Variants in ZFR observed in about 807,000 individuals in gnomAD.
ZFR encodes the protein zinc finger RNA binding protein.
Under a neutral mutation model 130.7 loss-of-function variants are expected in ZFR, and 19 were observed. That is an observed-to-expected ratio of 0.15 (90% CI 0.10 to 0.21). The LOEUF (loss-of-function observed/expected upper bound fraction) is 0.21. ZFR is among the 10% of genes least tolerant of loss of function. ZFR has a pLI of 1.00. For synonymous variants in ZFR, 466 were observed against 456.9 expected, an observed-to-expected ratio of 1.02 and a Z score of -0.25; for missense variants, 872 against 1,321.5, an observed-to-expected ratio of 0.66 and a Z score of 5.27.
chr5:32,407,453 T>C (rs1753601890), intron 5 of ZFR, among the ~76,000 whole-genome samples: 1 of 150,378 alleles, frequency 6.6e-6, no homozygotes, highest in Admixed American at 6.7e-5. Context: ...AAAGTAAGAT[T>C]TGACATGCTT....
Position 32,379,235 on chromosome 5 carries a change from T to G in ZFR, c.2740-25A>C, listed in dbSNP as rs1235985895. The stretch of plus-strand genomic sequence containing the variant: ...CCTTGAGAGCAACATAAAAACCAAT[T>G]GAATTAATCTTAGAAATACTGAATA... On this transcript the variant is annotated intron_variant, in intron 16 of 19. Transcript: ENST00000265069. 1.9e-6 allele frequency: 3 copies of G among 1,583,940 alleles called. No individual in the cohort carries two copies. In the South Asian group the frequency reaches 3.3e-5, roughly 18 times the overall value.
Position 32,403,180 on chromosome 5 carries a change from G to A in ZFR, c.1442C>T (p.Ser481Phe). 6.2e-7 allele frequency: 1 copy of A among 1,614,222 alleles called. No individual in the cohort carries two copies. Among genetic ancestry groups the A allele is most frequent in the Non-Finnish European group, 8.5e-7 (1 of 1,180,034 alleles). Reference protein sequence around the residue: ...TTGNSSLNSTSNTKVSAVPTN... With the variant: ...TTGNSSLNSTFNTKVSAVPTN... ...AGGCACTGCTGATACTTTAGTGTTA[G>A]ATGTGCTATTAAGAGACGAGTTTCC... Residue 481 changes from serine to phenylalanine, a missense_variant, in exon 8 of 20, where the codon TCT becomes TTT. By Grantham distance (155) the Ser-to-Phe change is radical (BLOSUM62 -2). This residue lies in a region of ZFR where 143 missense variants were observed against 137.9 expected (regional missense o/e 1.04). Coordinates refer to ENST00000265069, the MANE Select transcript of ZFR (RefSeq NM_016107.5).
chr5:32,438,549 C>T (rs1331167724), intron 2 of ZFR, among the ~76,000 whole-genome samples: 2 of 152,072 alleles, frequency 1.3e-5, no homozygotes, highest in African/African-American at 4.8e-5. Flanking sequence ...AGGCATGAGC[C>T]ACCGCTCCCG....
intron 2 of ZFR, among the ~76,000 whole-genome samples, chr5:32,428,334 A>G (rs925858640): frequency 2.6e-5 from 4 of 152,198 alleles, no homozygotes; most frequent in African/African-American, 9.7e-5. Flanking sequence ...GAATCGCTTG[A>G]ACCAAGGAGG....
chr5:32,379,080 C>T, intron 17 of ZFR, 35 bp downstream of exon 17: 1 of 1,464,352 alleles, frequency 6.8e-7, no homozygotes, highest in Non-Finnish European at 9.6e-7. Flanking sequence ...TTATTTCCTA[C>T]ATGTTTTTAC....
At chr5:32,366,684 AAAGAT>A (rs1184680469) in intron 17 of ZFR, among the ~76,000 whole-genome samples, 1 of 152,182 alleles carries the variant, frequency 6.6e-6, no homozygotes, top group Non-Finnish European at 1.5e-5. Context: ...TCAAAAGTAA[AAAGAT>A]AATATCAAAA....
At chr5:32,395,069 T>G (rs780606174) in intron 11 of ZFR, 90 bp downstream of exon 11, 15 of 1,418,594 alleles carry the variant, frequency 1.1e-5, no homozygotes, top group Non-Finnish European at 1.3e-5. Context: ...AAATCTGGAT[T>G]GCTTTGAATG....
rs181476908 is a variant in ZFR at position 32,398,403 on chromosome 5, A to G, written c.1714-1065T>C. ...TTTCTAACTGAACAGTTATAGGAGGACAAGTAAACTTGAGTCTTACTATGA... is the reference window on the plus strand; with the variant it reads ...TTTCTAACTGAACAGTTATAGGAGGGCAAGTAAACTTGAGTCTTACTATGA... On this transcript the variant is annotated intron_variant, in intron 9 of 19. Transcript: ENST00000265069. 2.0e-4 allele frequency among the ~76,000 whole-genome samples: 31 copies of G among 152,324 alleles called. No individual in the cohort carries two copies. The East Asian group carries it at 5.2e-3, about 26-fold the overall frequency.
chr5:32,420,156 T>A, intron 2 of ZFR, 53 bp from the exon 3 acceptor site: 1 of 1,379,754 alleles, frequency 7.2e-7, no homozygotes, highest in Non-Finnish European at 9.5e-7. Flanking sequence ...ATCCAGGAGT[T>A]AACCAACTTC....
chr5:32,386,672 T>C (rs543674509), intron 14 of ZFR, among the ~76,000 whole-genome samples: 1 of 152,172 alleles, frequency 6.6e-6, no homozygotes, highest in South Asian at 2.1e-4. Context: ...CAATAAAAAA[T>C]TTCCCATCTG....
chr5:32,442,358 T>C (rs75519042), intron 2 of ZFR, among the ~76,000 whole-genome samples: 3,027 of 152,332 alleles, frequency 0.02, 49 homozygotes, highest in Non-Finnish European at 0.031. Context: ...TTATTAGCCC[T>C]ACTAAAATCT....
At chr5:32,415,571 A>T (rs1753810198) in intron 4 of ZFR, among the ~76,000 whole-genome samples, 1 of 151,746 alleles carries the variant, frequency 6.6e-6, no homozygotes, top group Non-Finnish European at 1.5e-5. Context: ...AATATTGGAA[A>T]CAGGACAGAA....
chr5:32,407,774 T>C (rs981777997), intron 5 of ZFR, among the ~76,000 whole-genome samples: 1 of 152,246 alleles, frequency 6.6e-6, no homozygotes, highest in Non-Finnish European at 1.5e-5. Flanking sequence ...CCCATTTCCA[T>C]TGTTCAGAGA....
At chr5:32,406,119 A>G (rs934964829) in intron 6 of ZFR, among the ~76,000 whole-genome samples, 4 of 152,212 alleles carry the variant, frequency 2.6e-5, no homozygotes, top group Admixed American at 1.3e-4. Flanking sequence ...TGAATCCATT[A>G]ATTTTAATAA....
At chr5:32,414,391 A>C (rs778338349) in intron 5 of ZFR, among the ~76,000 whole-genome samples, 6 of 152,242 alleles carry the variant, frequency 3.9e-5, no homozygotes, top group Non-Finnish European at 8.8e-5. Flanking sequence ...AGAAATTGGC[A>C]ACAGCAGTGG....
chr5:32,375,339 C>T (rs1326280771), intron 17 of ZFR, among the ~76,000 whole-genome samples: 2 of 152,074 alleles, frequency 1.3e-5, no homozygotes, highest in Non-Finnish European at 2.9e-5. Context: ...GGCTATATAC[C>T]GTCATGCTTA....
rs545935932 is a variant in ZFR, at chr5:32,385,462, G to GA, written c.2641+45dup. On this transcript the variant is annotated intron_variant, in intron 15 of 19. Transcript: ENST00000265069. Reference sequence around the variant, plus strand: ...ATGCCATCTTAAAGAGTAGATAAATGAAAAAAAAAGTTAATAGAAAGTAGA... The same window carrying GA: ...ATGCCATCTTAAAGAGTAGATAAATGAAAAAAAAAAGTTAATAGAAAGTAGA... 2.8e-4 allele frequency: 443 copies of GA among 1,581,264 alleles called. 2 individuals are homozygous for GA. In the East Asian group the frequency reaches 4.7e-3, roughly 17 times the overall value.
chr5:32,388,693 GCTC>G lies in ZFR; in HGVS notation c.2143-22_2143-20del. On this transcript the variant is annotated intron_variant, in intron 12 of 19. Coordinates refer to ENST00000265069, the MANE Select transcript of ZFR (RefSeq NM_016107.5). Reference sequence around the variant, plus strand: ...GTAAGGGCTACAGAGAAACAAAGTTGCTCAATTTAAAAAAAAGTTTCCTGAGCA... The same window carrying G: ...GTAAGGGCTACAGAGAAACAAAGTTGAATTTAAAAAAAAGTTTCCTGAGCA... 6.4e-7 allele frequency: 1 copy of G among 1,559,342 alleles called. No homozygotes were observed.
intron 5 of ZFR, among the ~76,000 whole-genome samples, chr5:32,412,197 G>A (rs1753729260): frequency 6.6e-6 from 1 of 152,176 alleles, no homozygotes; most frequent in African/African-American, 2.4e-5. Context: ...GATAGGCACA[G>A]CTTTAACCAG....
Sources: allele counts gnomAD v4.1 joint callset (sites outside exome capture counted in the v4.1 genomes callset), GRCh38; gene constraint gnomAD v4.1.1; regional missense constraint gnomAD v4.1.1; transcripts MANE v1.5; gene names NCBI Gene and HGNC (gene_info 2026-07-23, HGNC 2026-07-21).